The following GOT1 variants were observed in gnomAD, a reference collection of about 807,000 sequenced individuals.
The protein encoded by GOT1 is aspartate aminotransferase, cytoplasmic.
A neutral mutation model predicts 48.2 loss-of-function variants in GOT1; 25 were observed. The observed-to-expected ratio is 0.52, with a 90% CI of 0.38 to 0.72. The LOEUF (loss-of-function observed/expected upper bound fraction) is 0.72, where lower values mean the gene tolerates loss of function less well. Ranked by LOEUF, GOT1 falls within the 30% of genes least tolerant of loss-of-function variation. The pLI is 0.00. For synonymous variants in GOT1, 188 were observed against 193.8 expected, an observed-to-expected ratio of 0.97 and a Z score of 0.25; for missense variants, 380 against 520.1, an observed-to-expected ratio of 0.73 and a Z score of 2.62.
intron 1 of GOT1, among the ~76,000 whole-genome samples, chr10:99,423,224 G>A (rs1182911136): frequency 6.6e-6 from 1 of 151,970 alleles, no homozygotes; most frequent in Non-Finnish European, 1.5e-5. Flanking sequence ...AATGCAATTG[G>A]GTATTTTTCA....
At chr10:99,398,344 G>A (rs2032626253) in intron 8 of GOT1, among the ~76,000 whole-genome samples, 1 of 152,222 alleles carries the variant, frequency 6.6e-6, no homozygotes, top group African/African-American at 2.4e-5. Context: ...CTCTAAAGCA[G>A]TTTTGCTATT....
intron 1 of GOT1, 139 bp downstream of exon 1, chr10:99,430,309 T>C: frequency 6.3e-7 from 1 of 1,594,450 alleles, no homozygotes; most frequent in Non-Finnish European, 8.5e-7. Context: ...GAAGCCTTCG[T>C]GGATCCAGCC....
intron 2 of GOT1, among the ~76,000 whole-genome samples, chr10:99,414,504 C>A (rs150933101): frequency 0.022 from 3,275 of 152,186 alleles, 128 homozygotes; most frequent in African/African-American, 0.074. Flanking sequence ...GACTTTAACA[C>A]CCCACTGTCA....
At chr10:99,414,299 C>G (rs545018825) in intron 2 of GOT1, among the ~76,000 whole-genome samples, 44 of 152,168 alleles carry the variant, frequency 2.9e-4, no homozygotes, top group African/African-American at 1.1e-3. Context: ...CCTAGTCTCT[C>G]ATAAAACAGA....
chr10:99,411,837 C>A (rs2032831545), intron 2 of GOT1, among the ~76,000 whole-genome samples: 1 of 152,138 alleles, frequency 6.6e-6, no homozygotes, highest in East Asian at 1.9e-4. Flanking sequence ...GGATAGGAGC[C>A]AAATGCTGAA....
chr10:99,403,449 C>T lies in GOT1; in HGVS notation c.959+20G>A. The T allele has an allele frequency of 1.2e-6, 2 of 1,600,174 alleles. No homozygotes were observed. Among genetic ancestry groups the T allele is most frequent in the Non-Finnish European group, 1.7e-6 (2 of 1,170,070 alleles). The stretch of plus-strand genomic sequence containing the variant: ...TCTGCACTCCCCACCCCCCGGCCCA[C>T]CAGACTGGGAGCCCCTTACCATTCC... On this transcript the variant is annotated intron_variant, in intron 7 of 8. Coordinates refer to ENST00000370508, the MANE Select transcript of GOT1 (RefSeq NM_002079.3).
chr10:99,427,459 C>T (rs1437155667), intron 1 of GOT1, among the ~76,000 whole-genome samples: 4 of 152,078 alleles, frequency 2.6e-5, no homozygotes, highest in East Asian at 1.9e-4. Context: ...TTAGTAGAGA[C>T]GGGGTTTCAC....
At chr10:99,424,693 C>T (rs1227286866) in intron 1 of GOT1, among the ~76,000 whole-genome samples, 1 of 152,160 alleles carries the variant, frequency 6.6e-6, no homozygotes, top group Non-Finnish European at 1.5e-5. Flanking sequence ...AATACTACTA[C>T]TTGGGTTGGG....
chr10:99,416,713 A>G (rs1237619311), intron 2 of GOT1, among the ~76,000 whole-genome samples: 2 of 152,222 alleles, frequency 1.3e-5, no homozygotes, highest in Admixed American at 1.3e-4. Flanking sequence ...ACAGCATGGT[A>G]CTGGTACCAA....
chr10:99,397,523 T>C lies in GOT1; in HGVS notation c.*24A>G, dbSNP rs1393924626. On this transcript the variant is annotated 3_prime_UTR_variant, in exon 9 of 9. Coordinates refer to ENST00000370508, the MANE Select transcript of GOT1 (RefSeq NM_002079.3). The surrounding 1 kb of genome is among the most constrained non-coding windows in gnomAD (Gnocchi z 5.4). ...CACACATGACAGAGAACTACTTTGGTGGTACTGGACGGGTGGTGTTTCTTC... is the reference window on the plus strand; with the variant it reads ...CACACATGACAGAGAACTACTTTGGCGGTACTGGACGGGTGGTGTTTCTTC... The C allele has an allele frequency of 5.0e-6, 8 of 1,612,332 alleles. No individual in the cohort carries two copies. Among genetic ancestry groups the C allele is most frequent in the Non-Finnish European group, 6.8e-6 (8 of 1,179,108 alleles).
intron 2 of GOT1, among the ~76,000 whole-genome samples, chr10:99,407,929 T>C (rs749489658): frequency 3.3e-5 from 5 of 152,010 alleles, no homozygotes; most frequent in African/African-American, 4.8e-5. Flanking sequence ...CCCGCATGCA[T>C]TAGGTATTTG....
chr10:99,414,850 A>C (rs2032873193), intron 2 of GOT1, among the ~76,000 whole-genome samples: 1 of 152,208 alleles, frequency 6.6e-6, no homozygotes, highest in South Asian at 2.1e-4. Flanking sequence ...TACTGGGTAC[A>C]TAACGAAATG....
At chr10:99,406,023 C>T in intron 4 of GOT1, 114 bp downstream of exon 4, 1 of 811,926 alleles carries the variant, frequency 1.2e-6, no homozygotes, top group East Asian at 2.4e-5. Flanking sequence ...TCAGAAACCA[C>T]CATCAGGTAT....
At chr10:99,399,799 C>T (rs2032647602) in intron 8 of GOT1, among the ~76,000 whole-genome samples, 1 of 152,120 alleles carries the variant, frequency 6.6e-6, no homozygotes, top group Non-Finnish European at 1.5e-5. Flanking sequence ...ATTTGTATGC[C>T]TTTTCTCCTA....
At chr10:99,423,804 A>G (rs2033002267) in intron 1 of GOT1, among the ~76,000 whole-genome samples, 1 of 151,756 alleles carries the variant, frequency 6.6e-6, no homozygotes, top group Non-Finnish European at 1.5e-5. Flanking sequence ...ATTCACCACC[A>G]GGACCAGCTA....
chr10:99,416,481 T>G (rs917332522), intron 2 of GOT1, among the ~76,000 whole-genome samples: 1 of 152,188 alleles, frequency 6.6e-6, no homozygotes, highest in Non-Finnish European at 1.5e-5. Context: ...TGCTCACGGA[T>G]AGGAAGAATC....
intron 8 of GOT1, among the ~76,000 whole-genome samples, chr10:99,401,596 G>A (rs1490919309): frequency 6.6e-6 from 1 of 151,672 alleles, no homozygotes; most frequent in African/African-American, 2.4e-5. Context: ...GAAGCCGGGA[G>A]GCGGAGGTTG....
At chr10:99,409,952 C>G (rs939409571) in intron 2 of GOT1, among the ~76,000 whole-genome samples, 1 of 152,196 alleles carries the variant, frequency 6.6e-6, no homozygotes, top group Non-Finnish European at 1.5e-5. Context: ...TGAAAGAATA[C>G]TATCTGAAAT....
chr10:99,415,794 A>T (rs2032887190), intron 2 of GOT1, among the ~76,000 whole-genome samples: 1 of 152,190 alleles, frequency 6.6e-6, no homozygotes, highest in African/African-American at 2.4e-5. Flanking sequence ...AACATACACA[A>T]ATCAATAAAC....
Sources: allele counts gnomAD v4.1 joint callset (sites outside exome capture counted in the v4.1 genomes callset), GRCh38; gene constraint gnomAD v4.1.1; non-coding constraint Gnocchi (gnomAD v3.1); transcripts MANE v1.5; gene names NCBI Gene and HGNC (gene_info 2026-07-23, HGNC 2026-07-21).